The following F5 variants were observed in gnomAD, a reference collection of about 807,000 sequenced individuals.
F5 encodes activated protein c cofactor.
A neutral mutation model predicts 216.4 loss-of-function variants in F5; 138 were observed. The observed-to-expected ratio is 0.64, with a 90% confidence interval of 0.56 to 0.73. The LOEUF (loss-of-function observed/expected upper bound fraction) is 0.73. F5 is among the 30% of genes least tolerant of loss of function. The pLI, the probability that F5 is intolerant of heterozygous loss-of-function variation, is 0.00. For synonymous variants in F5, 916 were observed against 930.7 expected (o/e 0.98, Z 0.29); for missense variants, 2,403 against 2,674.0 (o/e 0.90, Z 2.24).
chr1:169,520,699 A>G (rs756239210), intron 21 of F5, 35 bp from the exon 22 acceptor site: 2 of 1,576,838 alleles, frequency 1.3e-6, no homozygotes, highest in East Asian at 2.3e-5. Context: ...TTATGTAACA[A>G]TGATCTATAA....
chr1:169,543,143 A>G, intron 12 of F5, 29 bp from the exon 13 acceptor site: 1 of 1,599,022 alleles, frequency 6.3e-7, no homozygotes, highest in Non-Finnish European at 8.6e-7. Context: ...CAGAAGAGAG[A>G]TCTGGAAGTC....
rs955237168 is a variant in F5, at chr1:169,536,572, C to T, written c.4905G>A (p.Gly1635=). The T allele has an allele frequency of 1.2e-6, 2 of 1,613,454 alleles. No homozygotes were observed. The highest frequency in any genetic ancestry group is 8.5e-7 in the Non-Finnish European group (1 of 1,179,622). The change falls in exon 14 of 25, where the codon GGG becomes GGA. Residue 1635 remains glycine, a synonymous_variant. Coordinates refer to ENST00000367797, the MANE Select transcript of F5 (RefSeq NM_000130.5). ...DSTFTKRDPR[G]EYEEHLGILG... is the part of the protein sequence containing the mutation. ...GAATTCCGAGATGCTCTTCATACTC[C>T]CCTCGAGGATCACGTTTGGTAAAAG...
intron 18 of F5, among the ~76,000 whole-genome samples, chr1:169,525,314 T>A (rs987307424): frequency 2.6e-5 from 4 of 151,884 alleles, no homozygotes; most frequent in African/African-American, 7.3e-5. Flanking sequence ...CAACCTCTTC[T>A]CTACAAAAAA....
intron 10 of F5, among the ~76,000 whole-genome samples, chr1:169,546,959 T>G: frequency 1.7e-5 from 2 of 114,682 alleles, no homozygotes; most frequent in African/African-American, 3.3e-5. Flanking sequence ...GCAAAACCCG[T>G]CTCTACTAAA....
intron 2 of F5, among the ~76,000 whole-genome samples, chr1:169,577,598 T>TATATATAC (rs1660891154): frequency 8.7e-6 from 1 of 114,670 alleles, no homozygotes; most frequent in African/African-American, 4.3e-5. Context: ...TATATATATA[T>TATATATAC]ATATATGTAT....
chr1:169,564,867 A>G (rs1660564803), intron 3 of F5, among the ~76,000 whole-genome samples: 1 of 152,112 alleles, frequency 6.6e-6, no homozygotes, highest in Non-Finnish European at 1.5e-5. Context: ...CGTGCAATGT[A>G]TCTCATGAGG....
rs193043267 is a variant in F5, at chr1:169,575,206, C to T, written c.251-2863G>A. 2.6e-4 allele frequency among the ~76,000 whole-genome samples: 40 copies of T among 152,208 alleles called. 1 individual carries two copies. Among genetic ancestry groups the T allele is most frequent in the Non-Finnish European group, 4.4e-5 (3 of 68,002 alleles). The stretch of plus-strand genomic sequence containing the variant: ...CAAAGGCAGAGAGGAAAAGGGATGG[C>T]CAAAGACATTCTAAAAAGTTAGAGT... On this transcript the variant is annotated intron_variant, in intron 2 of 24. Coordinates refer to ENST00000367797, the MANE Select transcript of F5 (RefSeq NM_000130.5).
intron 3 of F5, among the ~76,000 whole-genome samples, chr1:169,568,296 C>T (rs1660654663): frequency 6.6e-6 from 1 of 152,024 alleles, no homozygotes; most frequent in African/African-American, 2.4e-5. Context: ...TAGACTTGTA[C>T]ATAGGATATA....
At position 169,520,580 on chromosome 1, in the gene F5, G is replaced by C; in HGVS notation, c.6133C>G (p.Pro2045Ala). Residue 2045 changes from proline to alanine, a missense_variant, in exon 22 of 25, where the codon CCA becomes GCA. Around this residue, in one of 4 missense-constraint regions of F5, gnomAD observed 659 missense variants for 787.9 expected, o/e 0.84. Transcript: ENST00000367797. Reference protein sequence around the residue: ...PIVARYIRISPTRAYNRPTLR... With the variant: ...PIVARYIRISATRAYNRPTLR... ...GTAGGTCTGTTATAGGCTCGAGTTG[G>C]AGAGATCCTAATATATCTAGCCACA... 1 of 1,613,958 alleles carries C rather than the reference G, an allele frequency of 6.2e-7. No homozygotes were observed. The highest frequency in any genetic ancestry group is 8.5e-7 in the Non-Finnish European group (1 of 1,179,924).
At chr1:169,517,621 G>A (rs748515136) in intron 23 of F5, among the ~76,000 whole-genome samples, 18 of 152,092 alleles carry the variant, frequency 1.2e-4, no homozygotes, top group Admixed American at 2.0e-4. Flanking sequence ...ATAAAAATGA[G>A]TCAAATATTA....
At chr1:169,514,554 C>T (rs1342091283) in intron 24 of F5, 95 bp from the exon 25 acceptor site, 7 of 1,113,914 alleles carry the variant, frequency 6.3e-6, no homozygotes, top group Non-Finnish European at 7.9e-6. Context: ...ATTCTGTTGC[C>T]CAGGCTTGAG....
intron 11 of F5, among the ~76,000 whole-genome samples, chr1:169,546,134 G>T (rs369059896): frequency 3.0e-4 from 46 of 151,800 alleles, no homozygotes; most frequent in Admixed American, 1.4e-3. Context: ...CCTTCCATTA[G>T]TCCTACTCTC....
intron 24 of F5, among the ~76,000 whole-genome samples, 182 bp from the exon 25 acceptor site, chr1:169,514,641 C>T (rs1307286647): frequency 6.6e-6 from 1 of 152,030 alleles, no homozygotes; most frequent in East Asian, 1.9e-4. Flanking sequence ...TTCCAAAGTG[C>T]TGGCATTGCA....
rs760937413 is a variant in F5 at position 169,544,523 on chromosome 1, T to A, written c.1763-15A>T. The A allele has an allele frequency of 1.9e-6, 3 of 1,609,818 alleles. No individual in the cohort carries two copies. Among genetic ancestry groups the A allele is most frequent in the Non-Finnish European group, 2.5e-6 (3 of 1,176,794 alleles). On this transcript the variant is annotated splice_polypyrimidine_tract_variant and intron_variant, in intron 11 of 24. Coordinates refer to ENST00000367797, the MANE Select transcript of F5 (RefSeq NM_000130.5). ...GCCATTGATAGCTGAAAGTGTAAAATCTGTTAAAATTCCAAGTCTATGCCA... is the reference window on the plus strand; with the variant it reads ...GCCATTGATAGCTGAAAGTGTAAAAACTGTTAAAATTCCAAGTCTATGCCA...
Position 169,514,070 on chromosome 1 carries a change from G to A in F5, c.*243C>T. The A allele has an allele frequency of 4.1e-6, 2 of 489,742 alleles. No homozygotes were observed. Among genetic ancestry groups the A allele is most frequent in the Non-Finnish European group, 7.2e-6 (2 of 275,908 alleles). The allele number at this position is 489,742 out of a possible 1,614,324, so 30.3% of individuals were successfully genotyped here. A position where few individuals can be genotyped will look rare whatever the true frequency, so the allele number is the denominator to read the frequency against. ...ATTAAGAAAGATAAGCCCTTTTCTTGTTGGTTCTTGATATTTTCCTACCTG... is the reference window on the plus strand; with the variant it reads ...ATTAAGAAAGATAAGCCCTTTTCTTATTGGTTCTTGATATTTTCCTACCTG... On this transcript the variant is annotated 3_prime_UTR_variant, in exon 25 of 25. Coordinates refer to ENST00000367797, the MANE Select transcript of F5 (RefSeq NM_000130.5).
chr1:169,523,149 A>G (rs1248310153), intron 21 of F5, 48 bp downstream of exon 21: 5 of 1,600,508 alleles, frequency 3.1e-6, no homozygotes, highest in Non-Finnish European at 4.3e-6. Context: ...TAATAATTCT[A>G]GGCCAAGTCT....
In F5 at chr1:169,556,425, T is replaced by TAAAA. The variant is rs61568675; in HGVS notation, c.952+217_952+220dup. On this transcript the variant is annotated intron_variant, in intron 6 of 24. Coordinates refer to ENST00000367797, the MANE Select transcript of F5 (RefSeq NM_000130.5). ...GAGATCTCTTTAGCTTTTGCTTAAT[T>TAAAA]AAAAAAAAAAAAAAAACCTTTGCCA... Among the ~76,000 whole-genome samples the TAAAA allele has an allele frequency of 3.6e-3, 214 of 58,914 alleles. 27 individuals are homozygous for TAAAA. Among genetic ancestry groups the TAAAA allele is most frequent in the African/African-American group, 0.018 (205 of 11,214 alleles). The allele number at this position is 58,914 out of a possible 152,430, so 38.6% of individuals were successfully genotyped here.
At chr1:169,574,675 A>G (rs1250995208) in intron 2 of F5, among the ~76,000 whole-genome samples, 1 of 152,244 alleles carries the variant, frequency 6.6e-6, no homozygotes, top group Non-Finnish European at 1.5e-5. Flanking sequence ...TAAGGTAGAT[A>G]TTAAGATCCT....
At chr1:169,522,906 C>T (rs1239317285) in intron 21 of F5, among the ~76,000 whole-genome samples, 5 of 152,204 alleles carry the variant, frequency 3.3e-5, no homozygotes, top group African/African-American at 9.6e-5. Flanking sequence ...ATGTTCTACT[C>T]TGCCGTATAC....
Sources: gnomAD v4.1 joint callset for allele counts (sites outside exome capture counted in the v4.1 genomes callset) on GRCh38, gnomAD v4.1.1 for gene constraint, gnomAD v4.1.1 regional missense constraint, MANE v1.5 for transcripts, NCBI Gene and HGNC (gene_info 2026-07-23, HGNC 2026-07-21) for gene names.